TRAK1: variants seen among roughly 807,000 people sequenced by gnomAD.
The protein encoded by TRAK1 is trafficking kinesin-binding protein 1.
In TRAK1, 33 loss-of-function variants were observed where a neutral mutation model predicts 92.1. That is an observed-to-expected ratio of 0.36 (90% CI 0.27 to 0.48). TRAK1 has a LOEUF of 0.48. TRAK1 is among the 20% of genes least tolerant of loss of function. The pLI is 0.99. For missense variants in TRAK1, 1,123 were observed against 1,257.9 expected (o/e 0.89, Z 1.62); for synonymous variants, 521 against 517.3 (o/e 1.01, Z -0.10).
At chr3:42,200,641 A>G (rs1179977355) in intron 11 of TRAK1, among the ~76,000 whole-genome samples, 177 bp from the exon 12 acceptor site, 1 of 152,118 alleles carries the variant, frequency 6.6e-6, no homozygotes, top group Non-Finnish European at 1.5e-5. Context: ...CAAATTTCGC[A>G]TTGTGAAGGA....
chr3:42,019,401 G>T (rs1478147242), intron 1 of TRAK1, among the ~76,000 whole-genome samples: 1 of 152,136 alleles, frequency 6.6e-6, no homozygotes, highest in Non-Finnish European at 1.5e-5. Flanking sequence ...TTGGCTTCCT[G>T]AGTAGCATGC....
rs1377345743 is a variant in TRAK1, at chr3:42,091,520, A to C, written c.51A>C (p.Pro17=). The C allele has an allele frequency of 6.2e-7, 1 of 1,613,522 alleles. No homozygotes were observed. The highest frequency in any genetic ancestry group is 1.1e-5 in the South Asian group (1 of 91,000). Residue 17 remains proline, a synonymous_variant, in exon 1 of 16, where the codon CCA becomes CCC. Coordinates refer to ENST00000327628, the MANE Select transcript of TRAK1 (RefSeq NM_001042646.3). ...FGQPVRAQPL[P]GLCHGKLIRT... ...AGCCCGTCAGGGCTCAGCCTCTGCC[A>C]GGACTCTGCCACGGCAAGCTCATTC...
At chr3:42,153,620 C>T (rs890226246) in intron 2 of TRAK1, among the ~76,000 whole-genome samples, 28 of 152,154 alleles carry the variant, frequency 1.8e-4, no homozygotes, top group African/African-American at 5.1e-4. Context: ...GTTATTCTTA[C>T]AGCTTCTTAC....
chr3:42,172,686 C>G (rs529295673), intron 2 of TRAK1, among the ~76,000 whole-genome samples: 1 of 152,254 alleles, frequency 6.6e-6, no homozygotes, highest in African/African-American at 2.4e-5. Context: ...TTCTGTGTGC[C>G]CCAGGAGGGC....
chr3:42,121,246 T>C (rs1709809627), intron 1 of TRAK1, among the ~76,000 whole-genome samples: 1 of 151,912 alleles, frequency 6.6e-6, no homozygotes, highest in African/African-American at 2.4e-5. Context: ...GGTGAAAGCA[T>C]TCCTGGGGAA....
chr3:42,103,435 A>G (rs1387354580), intron 1 of TRAK1, among the ~76,000 whole-genome samples: 1 of 152,042 alleles, frequency 6.6e-6, no homozygotes, highest in Admixed American at 6.5e-5. Context: ...TCAGTCTCCC[A>G]AAGTGCTGGG....
chr3:42,125,560 G>T lies in TRAK1; in HGVS notation c.232G>T (p.Asp78Tyr). 1.2e-6 allele frequency: 2 copies of T among 1,614,232 alleles called. No homozygotes were observed. The highest frequency in any genetic ancestry group is 1.1e-5 in the South Asian group (1 of 91,086). ...DWLHTPLISP[D>Y]ANIDLTTEQI... is the part of the protein sequence containing the mutation. Reference sequence around the variant, plus strand: ...GCTCCATACACCTCTCATTTCTCCAGATGCCAACATTGACCTCACAACCGA... The same window carrying T: ...GCTCCATACACCTCTCATTTCTCCATATGCCAACATTGACCTCACAACCGA... The change falls in exon 2 of 16, where the codon GAT (aspartate) becomes TAT (tyrosine). Residue 78 changes from aspartate (D) to tyrosine (Y), a missense_variant. This residue lies in a region of TRAK1 where 686 missense variants were observed against 747.6 expected (regional missense o/e 0.92). Coordinates refer to ENST00000327628, the MANE Select transcript of TRAK1 (RefSeq NM_001042646.3).
At chr3:42,154,469 A>T (rs745856353) in intron 2 of TRAK1, among the ~76,000 whole-genome samples, 1 of 150,082 alleles carries the variant, frequency 6.7e-6, no homozygotes, top group Non-Finnish European at 1.5e-5. Context: ...CACTGCACCC[A>T]GCCTTATTTA....
At chr3:42,116,378 T>C (rs1576438289) in intron 1 of TRAK1, among the ~76,000 whole-genome samples, 1 of 152,382 alleles carries the variant, frequency 6.6e-6, no homozygotes, top group African/African-American at 2.4e-5. Flanking sequence ...TTACTAAGAC[T>C]GAATCTCTGA....
upstream of TRAK1, among the ~76,000 whole-genome samples, chr3:42,082,857 C>T (rs1704500657): frequency 6.6e-6 from 1 of 152,192 alleles, no homozygotes; most frequent in Non-Finnish European, 1.5e-5. Context: ...CTTTTCAAGA[C>T]CACATTCATC....
At chr3:42,190,317 A>G (rs1215960460) in intron 6 of TRAK1, among the ~76,000 whole-genome samples, 1 of 152,108 alleles carries the variant, frequency 6.6e-6, no homozygotes, top group Non-Finnish European at 1.5e-5. Flanking sequence ...AGTGCAGACC[A>G]TCTGTCAACT....
intron 1 of TRAK1, among the ~76,000 whole-genome samples, chr3:42,075,058 A>G (rs1351460920): frequency 1.3e-5 from 2 of 152,116 alleles, no homozygotes; most frequent in East Asian, 1.9e-4. Context: ...ATGGCTGCGT[A>G]GCATTCTGTG....
intron 1 of TRAK1, among the ~76,000 whole-genome samples, chr3:42,018,496 C>G (rs567634312): frequency 1.3e-5 from 2 of 152,134 alleles, no homozygotes; most frequent in Non-Finnish European, 2.9e-5. Context: ...AAGGATGCTC[C>G]ATCACAGTAT....
intron 7 of TRAK1, 54 bp from the exon 8 acceptor site, chr3:42,193,021 T>G (rs1706042581): frequency 1.2e-6 from 2 of 1,604,218 alleles, no homozygotes; most frequent in Non-Finnish European, 1.7e-6. Flanking sequence ...TCTCTCTGGG[T>G]CTGCATGTGT....
At chr3:42,125,635 G>T (rs764807645) in intron 2 of TRAK1, 21 bp downstream of exon 2, 11 of 1,612,358 alleles carry the variant, frequency 6.8e-6, no homozygotes, top group Non-Finnish European at 9.3e-6. Context: ...GTCCATGTGT[G>T]TTGTGATGGC....
At chr3:42,141,225 T>G (rs1576581124) in intron 2 of TRAK1, among the ~76,000 whole-genome samples, 1 of 152,214 alleles carries the variant, frequency 6.6e-6, no homozygotes, top group East Asian at 1.9e-4. Flanking sequence ...CTTTTAAACA[T>G]TTAAATTTGA....
Position 42,057,318 on chromosome 3 carries a change from G to A in TRAK1, c.-518-29786G>A, listed in dbSNP as rs1322122342. ...CCACAAAGACTGACAGTAGGTTCAC[G>A]GTCCTGCTTCTTGAATGAAGGAAGA... On this transcript the variant is annotated intron_variant, in intron 1 of 16. Coordinates refer to the TRAK1 transcript ENST00000487159. Among the ~76,000 whole-genome samples, 4 of 152,158 alleles carry A rather than the reference G, an allele frequency of 2.6e-5. No homozygotes were observed. In the South Asian group the frequency reaches 6.2e-4, roughly 24 times the overall value.
chr3:42,175,154 A>T (rs1288201585), intron 2 of TRAK1, among the ~76,000 whole-genome samples: 2 of 152,084 alleles, frequency 1.3e-5, no homozygotes, highest in African/African-American at 2.4e-5. Flanking sequence ...AAGTGACAAC[A>T]CAAATTTAAA....
intron 2 of TRAK1, chr3:42,151,308 A>ATC (rs1211617689): frequency 2.2e-6 from 1 of 456,194 alleles, no homozygotes. Flanking sequence ...TTATCTGGGT[A>ATC]TCCATCAGAA....
Sources: gnomAD v4.1 joint callset for allele counts (sites outside exome capture counted in the v4.1 genomes callset) on GRCh38, gnomAD v4.1.1 for gene constraint, gnomAD v4.1.1 regional missense constraint, MANE v1.5 for transcripts, NCBI Gene and HGNC (gene_info 2026-07-23, HGNC 2026-07-21) for gene names.